Variants in CDK20 observed in about 807,000 individuals in gnomAD.
The protein encoded by CDK20 is cyclin dependent kinase 20.
A neutral mutation model predicts 38.6 loss-of-function variants in CDK20; 40 were observed. That is an observed-to-expected ratio of 1.04 (90% CI 0.81 to 1.35). CDK20 has a LOEUF of 1.35. CDK20 is among the 40% of genes most tolerant of loss of function. CDK20 has a pLI of 0.00. For missense variants in CDK20, 512 were observed against 452.6 expected (o/e 1.13, Z -1.19); for synonymous variants, 209 against 185.7 (o/e 1.13, Z -1.02).
intron 1 of CDK20, 28 bp downstream of exon 1, chr9:87,974,332 GCACACCCCCGCC>G (rs1564161869): frequency 6.9e-6 from 11 of 1,592,060 alleles, no homozygotes; most frequent in Non-Finnish European, 9.4e-6. Flanking sequence ...GGTGGCGGGG[GCACACCCCCGCC>G]AGGCTGCCGG....
chr9:87,967,883 A>C (rs1829541438), intron 7 of CDK20: 1 of 504,556 alleles, frequency 2.0e-6, no homozygotes, highest in South Asian at 3.5e-5. Flanking sequence ...GGGGGGTAAT[A>C]AACAAGATGA....
chr9:87,969,202 C>G lies in CDK20; in HGVS notation c.835G>C (p.Ala279Pro). 6.2e-7 allele frequency: 1 copy of G among 1,613,854 alleles called. No homozygotes were observed. Among genetic ancestry groups the G allele is most frequent in the African/African-American group, 1.3e-5 (1 of 75,034 alleles). Residue 279 changes from alanine (A) to proline (P), a missense_variant, in exon 7 of 8, where the codon GCT becomes CCT. Transcript: ENST00000325303. ...LLYPPHQRIAASKALLHQYFF... is the reference protein window; with the variant it reads ...LLYPPHQRIAPSKALLHQYFF... ...ACAGCCTCTCCCCCTACCTTGGAAG[C>G]TGCGATGCGCTGGTGAGGAGGGTAG...
At position 87,968,932 on chromosome 9, in the gene CDK20, G is replaced by A. The variant is rs1003137718; in HGVS notation, c.843+262C>T. 34 of 487,310 alleles carry A rather than the reference G, an allele frequency of 7.0e-5. No homozygotes were observed. In the East Asian group the frequency reaches 7.2e-4, roughly 10 times the overall value. 30.2% of individuals were successfully genotyped at this position (487,310 alleles called of 1,614,324 possible). A position where few individuals can be genotyped will look rare whatever the true frequency, so the allele number is the denominator to read the frequency against. On this transcript the variant is annotated intron_variant, in intron 7 of 7. Transcript: ENST00000325303. Reference sequence around the variant, plus strand: ...CCCAGAAACCTGCACTCCCGGACACGCGCTCTCCTGAGAGTTGGGCATGCC... The same window carrying A: ...CCCAGAAACCTGCACTCCCGGACACACGCTCTCCTGAGAGTTGGGCATGCC...
intron 2 of CDK20, among the ~76,000 whole-genome samples, chr9:87,971,814 G>A (rs1211708950): frequency 6.6e-6 from 1 of 152,172 alleles, no homozygotes; most frequent in Non-Finnish European, 1.5e-5. Context: ...TGAGCTGAGA[G>A]ACAGGACTCT....
At chr9:87,969,401 C>T in intron 6 of CDK20, 52 bp from the exon 7 acceptor site, 2 of 1,584,142 alleles carry the variant, frequency 1.3e-6, no homozygotes, top group Non-Finnish European at 1.7e-6. Flanking sequence ...CCGACCCTTG[C>T]CATGCTCTCT....
At position 87,969,207 on chromosome 9, in the gene CDK20, A is replaced by G; in HGVS notation, c.830T>C (p.Ile277Thr). The G allele has an allele frequency of 6.2e-7, 1 of 1,614,000 alleles. No homozygotes were observed. Among genetic ancestry groups the G allele is most frequent in the Non-Finnish European group, 8.5e-7 (1 of 1,179,934 alleles). ...QFLLYPPHQR[I>T]AASKALLHQY... ...CTCTCCCCCTACCTTGGAAGCTGCG[A>G]TGCGCTGGTGAGGAGGGTAGAGAAG... is the stretch of plus-strand genomic sequence containing the variant. The change falls in exon 7 of 8, where the codon ATC (isoleucine) becomes ACC (threonine). Residue 277 changes from isoleucine (I) to threonine (T), a missense_variant. Transcript: ENST00000325303.
chr9:87,970,092 G>A (rs1307615083), intron 5 of CDK20, 173 bp from the exon 6 acceptor site: 2 of 642,894 alleles, frequency 3.1e-6, no homozygotes, highest in Non-Finnish European at 4.9e-6. Flanking sequence ...CTAGAACCCA[G>A]AGCAAAGCCC....
At chr9:87,967,787 T>A in intron 7 of CDK20, 128 bp from the exon 8 acceptor site, 3 of 773,836 alleles carry the variant, frequency 3.9e-6, no homozygotes, top group East Asian at 5.5e-5. Flanking sequence ...GAGTGTCTAC[T>A]ATGTCTGAAG....
At position 87,966,904 on chromosome 9, in the gene CDK20, A is replaced by G. The variant is rs947308193; in HGVS notation, c.*558T>C. 7.8e-6 allele frequency: 3 copies of G among 385,662 alleles called. No individual in the cohort carries two copies. Among genetic ancestry groups the G allele is most frequent in the Admixed American group, 3.0e-5 (1 of 33,242 alleles). The allele number at this position is 385,662 out of a possible 1,614,324, so 23.9% of individuals were successfully genotyped here. A position where few individuals can be genotyped will look rare whatever the true frequency, so the allele number is the denominator to read the frequency against. ...CCCCATGACCCCAAAAACGAGAGCC[A>G]TGAGACAATGCCACCTTAGCCATTT... On this transcript the variant is annotated 3_prime_UTR_variant, in exon 8 of 8. Transcript: ENST00000325303.
intron 2 of CDK20, among the ~76,000 whole-genome samples, chr9:87,971,929 C>T (rs931581309): frequency 6.6e-6 from 1 of 152,352 alleles, no homozygotes; most frequent in South Asian, 2.1e-4. Context: ...GGGGGCTGGG[C>T]ATGACGTCTC....
rs770166380 is a variant in CDK20, at chr9:87,967,608, CAGAT to C, written c.891_894del (p.Glu299CysfsTer7). ...CCTAGACGCTGAGGAATCGGCAGCT[CAGAT>C]GGATGGGCAGGCAGGGGAGCTGTGA... On this transcript the variant is annotated frameshift_variant, in exon 8 of 8. Transcript: ENST00000325303. LOFTEE classifies it high-confidence loss of function. 8.8e-5 allele frequency: 134 copies of C among 1,515,020 alleles called. No individual in the cohort carries two copies. The highest frequency in any genetic ancestry group is 1.7e-4 in the South Asian group (13 of 78,106). The allele number at this position is 1,515,020 out of a possible 1,614,324, so 93.8% of individuals were successfully genotyped here.
chr9:87,969,797 G>T lies in CDK20; in HGVS notation c.686C>A (p.Pro229Gln), dbSNP rs545862742. ...ACCTCACCAAGGGCCCCTACAAACC[G>T]GCCAGACTTGAGGGTTTGGGGTGCC... ...ILGTPNPQVW[P>Q]ELTELPDYNK... The change falls in exon 6 of 8, where the codon CCG (proline) becomes CAG (glutamine). Residue 229 changes from proline (P) to glutamine (Q), a missense_variant and splice_region_variant. Physicochemically the swap from Pro to Gln is moderately conservative, Grantham distance 76. Coordinates refer to ENST00000325303, the MANE Select transcript of CDK20 (RefSeq NM_001039803.3). 1 of 1,613,632 alleles carries T rather than the reference G, an allele frequency of 6.2e-7. No individual in the cohort carries two copies. The highest frequency in any genetic ancestry group is 8.5e-7 in the Non-Finnish European group (1 of 1,179,766).
chr9:87,967,857 T>TG, intron 7 of CDK20, 198 bp from the exon 8 acceptor site: 1 of 538,024 alleles, frequency 1.9e-6, no homozygotes, highest in Non-Finnish European at 3.3e-6. Flanking sequence ...TCTGTTTTTC[T>TG]GACATAAGTG....
rs1169098395 is a variant in CDK20 at position 87,967,393 on chromosome 9, G to A, written c.*69C>T. On this transcript the variant is annotated 3_prime_UTR_variant, in exon 8 of 8. Coordinates refer to ENST00000325303, the MANE Select transcript of CDK20 (RefSeq NM_001039803.3). ...GGGAGGCCTTGGAGGGTGAAGCCAG[G>A]CAGGTGGCAGAGGAACAGGTGGACT... 6.7e-7 allele frequency: 1 copy of A among 1,486,518 alleles called. No individual in the cohort carries two copies. The highest frequency in any genetic ancestry group is 9.2e-7 in the Non-Finnish European group (1 of 1,088,318). The allele number at this position is 1,486,518 out of a possible 1,614,324, so 92.1% of individuals were successfully genotyped here. A position where few individuals can be genotyped will look rare whatever the true frequency, so the allele number is the denominator to read the frequency against.
At chr9:87,969,731 G>T in intron 6 of CDK20, 65 bp downstream of exon 6, 1 of 1,606,752 alleles carries the variant, frequency 6.2e-7, no homozygotes, top group Non-Finnish European at 8.5e-7. Context: ...GGAGGGAGTG[G>T]TTACTTGCTG....
At chr9:87,971,607 C>T (rs534772389) in intron 2 of CDK20, among the ~76,000 whole-genome samples, 1 of 152,274 alleles carries the variant, frequency 6.6e-6, no homozygotes, top group Admixed American at 6.5e-5. Flanking sequence ...TCCGCCCACC[C>T]AGCCTACCCG....
intron 7 of CDK20, chr9:87,968,517 CGTCCTCCCA>C (rs1416080504): frequency 6.6e-6 from 1 of 152,628 alleles, no homozygotes; most frequent in Non-Finnish European, 1.5e-5. Context: ...CTGTGGTCAT[CGTCCTCCCA>C]GGCCTACCAG....
intron 1 of CDK20, 53 bp downstream of exon 1, chr9:87,974,319 G>A: frequency 1.3e-6 from 2 of 1,552,628 alleles, no homozygotes; most frequent in Non-Finnish European, 1.8e-6. Context: ...GCGTTAGCCG[G>A]AGGGTGGCGG....
At chr9:87,973,772 A>G (rs1307720551) in intron 2 of CDK20, 150 bp downstream of exon 2, 3 of 749,220 alleles carry the variant, frequency 4.0e-6, no homozygotes, top group African/African-American at 1.7e-5. Context: ...AAAAGGGGGT[A>G]AGGAGGCAGA....
Sources: gnomAD v4.1 joint callset for allele counts (sites outside exome capture counted in the v4.1 genomes callset) on GRCh38, gnomAD v4.1.1 for gene constraint, MANE v1.5 for transcripts, NCBI Gene and HGNC (gene_info 2026-07-23, HGNC 2026-07-21) for gene names.